The following RBM18 variants were observed in gnomAD, a reference collection of about 807,000 sequenced individuals.
RBM18 encodes the protein probable RNA-binding protein 18.
Under a neutral mutation model 26.4 loss-of-function variants are expected in RBM18, and 18 were observed. The observed-to-expected ratio is 0.68, with a 90% CI of 0.47 to 1.01. RBM18 has a LOEUF of 1.01. Among genes scored for constraint, RBM18 ranks in the 50% least tolerant of loss-of-function variants. RBM18 has a pLI of 0.00. For missense variants in RBM18, 180 were observed against 219.2 expected, an observed-to-expected ratio of 0.82 and a Z score of 1.13; for synonymous variants, 74 against 81.1, an observed-to-expected ratio of 0.91 and a Z score of 0.47.
intron 2 of RBM18, among the ~76,000 whole-genome samples, chr9:122,255,767 C>T (rs181045884): frequency 1.7e-4 from 26 of 152,256 alleles, no homozygotes; most frequent in African/African-American, 5.1e-4. Flanking sequence ...GCCCTTCATC[C>T]TGCATATCGA....
At chr9:122,251,823 A>C in intron 3 of RBM18, 24 bp downstream of exon 3, 1 of 1,606,140 alleles carries the variant, frequency 6.2e-7, no homozygotes, top group Non-Finnish European at 8.5e-7. Flanking sequence ...TAAATATTAT[A>C]AAATGGGGAG....
intron 5 of RBM18, chr9:122,243,804 T>C: frequency 2.0e-6 from 2 of 985,258 alleles, no homozygotes; most frequent in Non-Finnish European, 2.4e-6. Flanking sequence ...TTTGTATAAG[T>C]CACAGGGAAG....
At chr9:122,247,786 T>TTG (rs909384987) in intron 3 of RBM18, among the ~76,000 whole-genome samples, 182 bp from the exon 4 acceptor site, 13 of 11,498 alleles carry the variant, frequency 1.1e-3, no homozygotes, top group East Asian at 0.12. Context: ...TTTTTTGTTG[T>TTG]TTTTTTTTTT....
At chr9:122,259,713 A>G (rs982184698) in intron 2 of RBM18, among the ~76,000 whole-genome samples, 1 of 152,030 alleles carries the variant, frequency 6.6e-6, no homozygotes, top group African/African-American at 2.4e-5. Context: ...AGGTTTCCTC[A>G]TCTCCTCCCT....
rs1831356802 is a variant in RBM18 at position 122,238,032 on chromosome 9, C to T, written c.*3852G>A. 1 of 152,172 alleles carries T rather than the reference C, an allele frequency of 6.6e-6. No individual in the cohort carries two copies. The highest frequency in any genetic ancestry group is 1.5e-5 in the Non-Finnish European group (1 of 68,046). The allele number at this position is 152,172 out of a possible 1,614,324, so 9.4% of individuals were successfully genotyped here. A position where few individuals can be genotyped will look rare whatever the true frequency, so the allele number is the denominator to read the frequency against. On this transcript the variant is annotated 3_prime_UTR_variant, in exon 6 of 6. Transcript: ENST00000417201. ...GAGGCAGAGGCCAGTTTGCTGAACA[C>T]TGGACTAGATGTTTGCAGGCCTGGG...
intron 5 of RBM18, among the ~76,000 whole-genome samples, chr9:122,242,806 C>T (rs575935463): frequency 2.6e-4 from 39 of 152,084 alleles, no homozygotes; most frequent in African/African-American, 8.7e-4. Flanking sequence ...TACAGGCACA[C>T]ACCACCACAT....
Position 122,239,956 on chromosome 9 carries a change from A to G in RBM18, c.*1928T>C, listed in dbSNP as rs1831387788. ...AGTCCTGAGTGGAAACAAGCCTGTC[A>G]GAGAACTGCAGTCTATGCCAGTAAG... is the stretch of plus-strand genomic sequence containing the variant. On this transcript the variant is annotated 3_prime_UTR_variant, in exon 6 of 6. Transcript: ENST00000417201. The G allele has an allele frequency of 6.6e-6, 1 of 152,264 alleles. No individual in the cohort carries two copies. The highest frequency in any genetic ancestry group is 1.5e-5 in the Non-Finnish European group (1 of 68,056). 9.4% of individuals were successfully genotyped at this position (152,264 alleles called of 1,614,324 possible).
In RBM18 at chr9:122,259,613, T is replaced by C. The variant is rs993934484; in HGVS notation, c.113+1767A>G. ...AGCAGGTTTAAGGAACTTTTTGTTA[T>C]AATCCTGATTTATAAGGTTATATCC... is the stretch of plus-strand genomic sequence containing the variant. On this transcript the variant is annotated intron_variant, in intron 2 of 5. Coordinates refer to ENST00000417201, the MANE Select transcript of RBM18 (RefSeq NM_033117.4). Among the ~76,000 whole-genome samples, 6 of 152,234 alleles carry C rather than the reference T, an allele frequency of 3.9e-5. 1 individual carries two copies. The highest frequency in any genetic ancestry group is 3.3e-4 in the Admixed American group (5 of 15,280).
At chr9:122,258,048 A>T (rs753653663) in intron 2 of RBM18, among the ~76,000 whole-genome samples, 7 of 152,224 alleles carry the variant, frequency 4.6e-5, no homozygotes, top group Non-Finnish European at 7.3e-5. Context: ...ATGTTTGGGA[A>T]TTACTGCATT....
intron 3 of RBM18, among the ~76,000 whole-genome samples, chr9:122,251,093 A>AT (rs541756523): frequency 1.3e-5 from 2 of 151,538 alleles, no homozygotes; most frequent in African/African-American, 4.9e-5. Flanking sequence ...AATTAAAAAA[A>AT]TTTTTTTTAG....
In RBM18 at chr9:122,240,012, C is replaced by A. The variant is rs1371127777; in HGVS notation, c.*1872G>T. The A allele has an allele frequency of 2.6e-5, 4 of 152,130 alleles. No homozygotes were observed. The highest frequency in any genetic ancestry group is 4.4e-5 in the Non-Finnish European group (3 of 68,038). 9.4% of individuals were successfully genotyped at this position (152,130 alleles called of 1,614,324 possible). On this transcript the variant is annotated 3_prime_UTR_variant, in exon 6 of 6. Transcript: ENST00000417201. ...GAGAGAAGATATAACCACACGGACA[C>A]CGTCTTACATTTATTCACACAGAGG...
chr9:122,252,193 C>T (rs1831615575), intron 2 of RBM18, among the ~76,000 whole-genome samples: 1 of 152,124 alleles, frequency 6.6e-6, no homozygotes, highest in Non-Finnish European at 1.5e-5. Context: ...TGCATCTGTC[C>T]AACACAAAAA....
intron 2 of RBM18, among the ~76,000 whole-genome samples, chr9:122,254,022 C>T (rs541520744): frequency 2.0e-5 from 3 of 146,358 alleles, no homozygotes; most frequent in African/African-American, 5.1e-5. Flanking sequence ...AGCAAGATTC[C>T]GTCTCAAAAA....
chr9:122,254,843 A>T (rs1198780382), intron 2 of RBM18, among the ~76,000 whole-genome samples: 1 of 152,232 alleles, frequency 6.6e-6, no homozygotes, highest in Non-Finnish European at 1.5e-5. Context: ...TTGTACACAG[A>T]GGGATGAATA....
chr9:122,250,221 G>T (rs1831578285), intron 3 of RBM18, among the ~76,000 whole-genome samples: 2 of 152,128 alleles, frequency 1.3e-5, no homozygotes, highest in South Asian at 4.1e-4. Context: ...CTGGCAAGGA[G>T]AAATGACACT....
intron 3 of RBM18, 59 bp from the exon 4 acceptor site, chr9:122,247,663 A>G: frequency 7.7e-7 from 1 of 1,305,568 alleles, no homozygotes; most frequent in Non-Finnish European, 1.1e-6. Context: ...AGCTATATGT[A>G]TTCTCACAGG....
At chr9:122,243,457 G>C (rs967196321) in intron 5 of RBM18, among the ~76,000 whole-genome samples, 2 of 152,170 alleles carry the variant, frequency 1.3e-5, no homozygotes, top group African/African-American at 4.8e-5. Context: ...GAGCTGAATA[G>C]TCCTATATTG....
chr9:122,250,418 C>T lies in RBM18; in HGVS notation c.240+1429G>A, dbSNP rs567137387. On this transcript the variant is annotated intron_variant, in intron 3 of 5. Transcript: ENST00000417201. Reference sequence around the variant, plus strand: ...TATACTAGTGAATCAACCCAAATACCAGTGAAACAACCCAAATAGCTAACA... The same window carrying T: ...TATACTAGTGAATCAACCCAAATACTAGTGAAACAACCCAAATAGCTAACA... Among the ~76,000 whole-genome samples, 17 of 152,270 alleles carry T rather than the reference C, an allele frequency of 1.1e-4. No homozygotes were observed. The East Asian group carries it at 2.1e-3, about 19-fold the overall frequency.
intron 4 of RBM18, 34 bp downstream of exon 4, chr9:122,247,484 G>A (rs779387871): frequency 6.7e-5 from 105 of 1,572,182 alleles, no homozygotes; most frequent in Non-Finnish European, 9.0e-5. Context: ...TGTTTAGGAT[G>A]AGGCTTGATG....
Sources: allele counts gnomAD v4.1 joint callset (sites outside exome capture counted in the v4.1 genomes callset), GRCh38; gene constraint gnomAD v4.1.1; transcripts MANE v1.5; gene names NCBI Gene and HGNC (gene_info 2026-07-23, HGNC 2026-07-21).